The following SSH2 variants were observed in gnomAD, a reference collection of about 807,000 sequenced individuals.
The protein encoded by SSH2 is slingshot protein phosphatase 2.
Under a neutral mutation model 135.2 loss-of-function variants are expected in SSH2, and 37 were observed. The observed-to-expected ratio is 0.27, with a 90% CI of 0.21 to 0.36. The LOEUF is 0.36. Ranked by LOEUF, SSH2 falls within the 10% of genes least tolerant of loss-of-function variation. The probability of loss-of-function intolerance (pLI) is 1.00; values close to 1 mark genes in which losing one functional copy is unlikely to be tolerated. For missense variants in SSH2, 1,408 were observed against 1,765.3 expected (o/e 0.80, Z 3.63); for synonymous variants, 628 against 646.2 (o/e 0.97, Z 0.43).
At chr17:29,889,951 C>T (rs201167847) in intron 1 of SSH2, among the ~76,000 whole-genome samples, 1 of 151,292 alleles carries the variant, frequency 6.6e-6, no homozygotes, top group Non-Finnish European at 1.5e-5. Flanking sequence ...AGAGCAAGAC[C>T]CCAGTCTCTA....
At chr17:29,657,080 C>T (rs958041796) in intron 11 of SSH2, among the ~76,000 whole-genome samples, 5 of 152,196 alleles carry the variant, frequency 3.3e-5, no homozygotes, top group Admixed American at 1.3e-4. Context: ...GACTCTCCTG[C>T]CTCAGCCTCC....
chr17:29,728,657 A>T (rs923097642), intron 3 of SSH2, among the ~76,000 whole-genome samples: 4 of 152,318 alleles, frequency 2.6e-5, no homozygotes, highest in Non-Finnish European at 5.9e-5. Flanking sequence ...TATATTACCG[A>T]GCTATAGTAA....
At chr17:29,696,232 C>T (rs2038733538) in intron 4 of SSH2, among the ~76,000 whole-genome samples, 1 of 148,490 alleles carries the variant, frequency 6.7e-6, no homozygotes, top group Non-Finnish European at 1.5e-5. Flanking sequence ...TATACATATA[C>T]ACAGAGTGAG....
chr17:29,771,511 T>G (rs1827478644), intron 3 of SSH2, among the ~76,000 whole-genome samples: 3 of 152,234 alleles, frequency 2.0e-5, no homozygotes, highest in Non-Finnish European at 4.4e-5. Flanking sequence ...TCTTTCTCCC[T>G]GGGAGCACTG....
intron 1 of SSH2, among the ~76,000 whole-genome samples, chr17:29,881,627 G>A (rs760070144): frequency 1.3e-5 from 2 of 152,004 alleles, no homozygotes; most frequent in East Asian, 1.9e-4. Context: ...TGAGCCTCCC[G>A]AGTAGCTGGG....
intron 6 of SSH2, among the ~76,000 whole-genome samples, chr17:29,683,251 C>A (rs1439751970): frequency 2.0e-5 from 3 of 152,108 alleles, no homozygotes; most frequent in African/African-American, 7.2e-5. Context: ...ATCTGCTTAG[C>A]AGCCACATTC....
At chr17:29,656,872 C>T (rs914007512) in intron 11 of SSH2, among the ~76,000 whole-genome samples, 1 of 152,174 alleles carries the variant, frequency 6.6e-6, no homozygotes, top group Non-Finnish European at 1.5e-5. Context: ...TAACCTGATA[C>T]ACTATACATA....
At chr17:29,857,611 T>C (rs2065685853) in intron 1 of SSH2, among the ~76,000 whole-genome samples, 1 of 152,114 alleles carries the variant, frequency 6.6e-6, no homozygotes, top group Non-Finnish European at 1.5e-5. Flanking sequence ...CATCTCAGCC[T>C]CCCTAGTTGC....
At chr17:29,796,028 C>G (rs2042150672) in intron 2 of SSH2, among the ~76,000 whole-genome samples, 1 of 152,182 alleles carries the variant, frequency 6.6e-6, no homozygotes, top group South Asian at 2.1e-4. Flanking sequence ...TAGGCGTGAG[C>G]CACCGTGCCC....
chr17:29,698,354 G>A (rs2151112453), intron 4 of SSH2, among the ~76,000 whole-genome samples: 1 of 152,130 alleles, frequency 6.6e-6, no homozygotes, highest in East Asian at 1.9e-4. Context: ...TATGGTATGT[G>A]GATTATATCT....
chr17:29,869,209 C>A (rs1011949042), intron 1 of SSH2, among the ~76,000 whole-genome samples: 1 of 152,166 alleles, frequency 6.6e-6, no homozygotes, highest in African/African-American at 2.4e-5. Flanking sequence ...ACCTACTAAA[C>A]CATAATTGGG....
chr17:29,665,376 G>T (rs962051779), intron 11 of SSH2, among the ~76,000 whole-genome samples: 2 of 152,166 alleles, frequency 1.3e-5, no homozygotes, highest in East Asian at 3.9e-4. Flanking sequence ...ATACCACTAT[G>T]AATCACTCTA....
intron 3 of SSH2, among the ~76,000 whole-genome samples, chr17:29,793,027 CT>C (rs1043345872): frequency 1.3e-5 from 2 of 152,042 alleles, no homozygotes; most frequent in African/African-American, 4.8e-5. Flanking sequence ...AATGAGCATG[CT>C]TATTGATCCT....
intron 9 of SSH2, among the ~76,000 whole-genome samples, chr17:29,669,950 C>T (rs982898751): frequency 2.1e-5 from 3 of 146,036 alleles, no homozygotes; most frequent in South Asian, 2.2e-4. Flanking sequence ...GGTGTGATCT[C>T]GGCTCACTGC....
At chr17:29,795,284 G>A (rs1407759349) in intron 2 of SSH2, among the ~76,000 whole-genome samples, 1 of 152,128 alleles carries the variant, frequency 6.6e-6, no homozygotes, top group African/African-American at 2.4e-5. Flanking sequence ...GACTGAAAAA[G>A]AATTAGAGAA....
At chr17:29,742,527 TCTCA>T (rs1436217414) in intron 3 of SSH2, among the ~76,000 whole-genome samples, 3 of 127,900 alleles carry the variant, frequency 2.3e-5, no homozygotes, top group African/African-American at 9.2e-5. Flanking sequence ...GGAGGTGAGG[TCTCA>T]CTATGTTGCC....
intron 1 of SSH2, among the ~76,000 whole-genome samples, 177 bp from the exon 2 acceptor site, chr17:29,849,106 T>C (rs929061450): frequency 5.9e-5 from 9 of 152,196 alleles, no homozygotes; most frequent in African/African-American, 1.2e-4. Context: ...GGTTAGTTGA[T>C]TGAGGAATGC....
intron 3 of SSH2, among the ~76,000 whole-genome samples, chr17:29,753,563 G>A (rs1426291998): frequency 1.3e-5 from 2 of 151,776 alleles, no homozygotes; most frequent in Admixed American, 1.3e-4. Context: ...TTGGGAGGCC[G>A]AGGCAGGTGG....
chr17:29,792,325 G>A (rs1419215481), intron 3 of SSH2, among the ~76,000 whole-genome samples: 1 of 152,050 alleles, frequency 6.6e-6, no homozygotes, highest in Non-Finnish European at 1.5e-5. Flanking sequence ...AATATATAAA[G>A]CTTGAAATTG....
Sources: allele counts gnomAD v4.1 joint callset (sites outside exome capture counted in the v4.1 genomes callset), GRCh38; gene constraint gnomAD v4.1.1; transcripts MANE v1.5; gene names NCBI Gene and HGNC (gene_info 2026-07-23, HGNC 2026-07-21).